Variants in LYPD6B observed in about 807,000 individuals in gnomAD.
LYPD6B encodes the protein ly6/PLAUR domain-containing protein 6B.
In LYPD6B, 17 loss-of-function variants were observed where a neutral mutation model predicts 22.8. That is an observed-to-expected ratio of 0.75 (90% CI 0.51 to 1.12). The LOEUF is 1.12. Ranked by LOEUF, LYPD6B falls within the 50% of genes most tolerant of loss-of-function variation. The pLI is 0.00. For missense variants in LYPD6B, 221 were observed against 258.3 expected (o/e 0.86, Z 0.99); for synonymous variants, 106 against 91.6 (o/e 1.16, Z -0.90).
In LYPD6B at chr2:149,170,326, C is replaced by T. The variant is rs568927975; in HGVS notation, c.77+9491C>T. Among the ~76,000 whole-genome samples the T allele has an allele frequency of 2.0e-5, 3 of 152,346 alleles. No individual in the cohort carries two copies. In the South Asian group the frequency reaches 6.2e-4, roughly 32 times the overall value. ...TGTGACAGTGCTGAGAGGGCTTTCA[C>T]ACTTGACATATGCCATCATAGATGA... On this transcript the variant is annotated intron_variant, in intron 3 of 6. Coordinates refer to ENST00000409642, the MANE Select transcript of LYPD6B (RefSeq NM_177964.5).
At chr2:149,104,068 G>C (rs983111562) in intron 1 of LYPD6B, among the ~76,000 whole-genome samples, 1 of 151,966 alleles carries the variant, frequency 6.6e-6, no homozygotes, top group Non-Finnish European at 1.5e-5. Context: ...GTGAGCCACC[G>C]CACCTGGCCA....
intron 2 of LYPD6B, among the ~76,000 whole-genome samples, chr2:149,152,330 C>T (rs381650): frequency 0.65 from 98,126 of 151,322 alleles, 31,930 homozygotes; most frequent in South Asian, 0.76. Context: ...GGGGTATGTA[C>T]GTAACTAAAG....
rs148816195 is a variant in LYPD6B at position 149,074,289 on chromosome 2, C to T, written c.-67+35488C>T. Reference sequence around the variant, plus strand: ...GCATGCACACACACACACACACACACGCACATGTGCTCTCTCACTTATTCT... The same window carrying T: ...GCATGCACACACACACACACACACATGCACATGTGCTCTCTCACTTATTCT... On this transcript the variant is annotated intron_variant, in intron 1 of 6. Coordinates refer to ENST00000409642, the MANE Select transcript of LYPD6B (RefSeq NM_177964.5). Among the ~76,000 whole-genome samples the T allele has an allele frequency of 7.6e-4, 115 of 152,092 alleles. No individual in the cohort carries two copies. In the East Asian group the frequency reaches 0.016, roughly 22 times the overall value.
intron 1 of LYPD6B, among the ~76,000 whole-genome samples, chr2:149,059,507 G>C (rs1163293568): frequency 1.3e-5 from 2 of 152,196 alleles, no homozygotes; most frequent in African/African-American, 4.8e-5. Flanking sequence ...GGAGACCCAG[G>C]GGTGTTGAGC....
intron 1 of LYPD6B, among the ~76,000 whole-genome samples, chr2:149,058,775 A>T (rs1039861564): frequency 5.3e-5 from 8 of 152,086 alleles, no homozygotes; most frequent in Admixed American, 2.6e-4. Flanking sequence ...GTCTGCCACG[A>T]CGCCCAGCTA....
At chr2:149,139,632 T>C (rs977420006) in intron 2 of LYPD6B, among the ~76,000 whole-genome samples, 1 of 152,060 alleles carries the variant, frequency 6.6e-6, no homozygotes, top group Non-Finnish European at 1.5e-5. Context: ...ATGGGGAAAG[T>C]TTAAGTATTA....
intron 5 of LYPD6B, among the ~76,000 whole-genome samples, chr2:149,210,970 T>A (rs1009224936): frequency 6.6e-6 from 1 of 152,178 alleles, no homozygotes; most frequent in Admixed American, 6.5e-5. Flanking sequence ...TACGGTTCCA[T>A]AGGCTGTTCA....
intron 1 of LYPD6B, among the ~76,000 whole-genome samples, chr2:149,055,030 C>G (rs1683726482): frequency 1.3e-5 from 2 of 152,068 alleles, no homozygotes; most frequent in South Asian, 4.1e-4. Flanking sequence ...TTCAGCTCTT[C>G]CATGTAGATA....
chr2:149,187,612 G>T (rs1158962782), intron 3 of LYPD6B: 29 of 1,161,378 alleles, frequency 2.5e-5, no homozygotes, highest in Non-Finnish European at 3.2e-5. Context: ...TTGAGTAACT[G>T]AATAAACGTA....
At chr2:149,213,852 G>A (rs759463466) in intron 6 of LYPD6B, among the ~76,000 whole-genome samples, 1 of 152,094 alleles carries the variant, frequency 6.6e-6, no homozygotes, top group Non-Finnish European at 1.5e-5. Context: ...AAAGTTCCCC[G>A]AGGTGATTCT....
chr2:149,042,346 G>A (rs926135624), intron 1 of LYPD6B, among the ~76,000 whole-genome samples: 4 of 152,170 alleles, frequency 2.6e-5, no homozygotes, highest in African/African-American at 4.8e-5. Flanking sequence ...GTGGACATTG[G>A]TGCTGGACTT....
chr2:149,149,473 C>T (rs1689233475), intron 2 of LYPD6B, among the ~76,000 whole-genome samples: 1 of 152,104 alleles, frequency 6.6e-6, no homozygotes. Context: ...ATTGCTGGCC[C>T]TATTCATCTT....
Position 149,205,405 on chromosome 2 carries a change from G to C in LYPD6B, c.229+1G>C. On this transcript the variant is annotated splice_donor_variant, in intron 4 of 6. Coordinates refer to ENST00000409642, the MANE Select transcript of LYPD6B (RefSeq NM_177964.5). LOFTEE classifies it high-confidence loss of function. Reference sequence around the variant, plus strand: ...TATAATGTGAGGCCTCCTCTCGACCGTAAGTAGTGGTGGTTGCCATCCTAG... The same window carrying C: ...TATAATGTGAGGCCTCCTCTCGACCCTAAGTAGTGGTGGTTGCCATCCTAG... The C allele has an allele frequency of 6.2e-7, 1 of 1,613,180 alleles. No homozygotes were observed. Among genetic ancestry groups the C allele is most frequent in the Non-Finnish European group, 8.5e-7 (1 of 1,179,532 alleles).
intron 1 of LYPD6B, among the ~76,000 whole-genome samples, chr2:149,123,277 T>C (rs1233686347): frequency 6.6e-6 from 1 of 152,224 alleles, no homozygotes; most frequent in Non-Finnish European, 1.5e-5. Flanking sequence ...TTGAATGCTA[T>C]TGGCTTTATG....
At chr2:149,167,825 C>T (rs1447675303) in intron 3 of LYPD6B, among the ~76,000 whole-genome samples, 1 of 151,942 alleles carries the variant, frequency 6.6e-6, no homozygotes, top group Non-Finnish European at 1.5e-5. Context: ...TGTGGAAGCC[C>T]CTTCTTTTTA....
At chr2:149,125,821 C>T (rs1441038469) in intron 1 of LYPD6B, among the ~76,000 whole-genome samples, 1 of 152,152 alleles carries the variant, frequency 6.6e-6, no homozygotes, top group African/African-American at 2.4e-5. Context: ...TTTTCTAATC[C>T]TTGACATTCC....
chr2:149,213,132 G>C lies in LYPD6B; in HGVS notation c.459+10G>C. 6.5e-7 allele frequency: 1 copy of C among 1,526,724 alleles called. No homozygotes were observed. The highest frequency in any genetic ancestry group is 8.9e-7 in the Non-Finnish European group (1 of 1,124,550). 94.6% of individuals were successfully genotyped at this position (1,526,724 alleles called of 1,614,324 possible). A position where few individuals can be genotyped will look rare whatever the true frequency, so the allele number is the denominator to read the frequency against. On this transcript the variant is annotated intron_variant, in intron 6 of 6. Transcript: ENST00000409642. Reference sequence around the variant, plus strand: ...AGATTCTGAACATACGGTAAGGATCGTGTGTGTGTGTTATTGTCTAAACTT... The same window carrying C: ...AGATTCTGAACATACGGTAAGGATCCTGTGTGTGTGTTATTGTCTAAACTT...
chr2:149,196,616 T>C (rs1692827457), intron 3 of LYPD6B, among the ~76,000 whole-genome samples: 1 of 152,172 alleles, frequency 6.6e-6, no homozygotes, highest in African/African-American at 2.4e-5. Context: ...GTTGAGATTA[T>C]AGGGAATACT....
rs187752243 is a variant in LYPD6B, at chr2:149,097,738, C to T, written c.-66-33145C>T. 1.8e-3 allele frequency among the ~76,000 whole-genome samples: 274 copies of T among 152,228 alleles called. 1 individual carries two copies. The highest frequency in any genetic ancestry group is 6.2e-3 in the African/African-American group (259 of 41,530). ...GATTCGATATTATCAGAGATTTATA[C>T]GAAGTTACAGAGTAGGCAATAAAAA... is the stretch of plus-strand genomic sequence containing the variant. On this transcript the variant is annotated intron_variant, in intron 1 of 6. Coordinates refer to ENST00000409642, the MANE Select transcript of LYPD6B (RefSeq NM_177964.5).
Sources: gnomAD v4.1 joint callset for allele counts (sites outside exome capture counted in the v4.1 genomes callset) on GRCh38, gnomAD v4.1.1 for gene constraint, MANE v1.5 for transcripts, NCBI Gene and HGNC (gene_info 2026-07-23, HGNC 2026-07-21) for gene names.